Variants in LLGL1 observed in about 807,000 individuals in gnomAD.
The protein encoded by LLGL1 is lethal(2) giant larvae protein homolog 1.
Under a neutral mutation model 110.6 loss-of-function variants are expected in LLGL1, and 58 were observed. That is an observed-to-expected ratio of 0.52 (90% confidence interval 0.42 to 0.65). LLGL1 has a LOEUF of 0.65. Among genes scored for constraint, LLGL1 ranks in the 30% least tolerant of loss-of-function variants. The pLI is 0.00. For synonymous variants in LLGL1, 674 were observed against 607.2 expected (o/e 1.11, Z -1.62); for missense variants, 1,229 against 1,462.1 (o/e 0.84, Z 2.60).
chr17:18,238,647 G>A (rs777970981), intron 16 of LLGL1, 38 bp downstream of exon 16: 12 of 1,576,912 alleles, frequency 7.6e-6, no homozygotes, highest in African/African-American at 1.3e-5. Context: ...GGCAAGGGTT[G>A]GGGGGGCTGG....
intron 13 of LLGL1, chr17:18,237,251 C>G: frequency 1.7e-6 from 1 of 600,820 alleles, no homozygotes; most frequent in East Asian, 2.8e-5. Context: ...ACACTTTGCC[C>G]TCAGAGGGCA....
chr17:18,229,974 G>T lies in LLGL1; in HGVS notation c.115G>T (p.Ala39Ser). Residue 39 changes from alanine to serine, a missense_variant, in exon 2 of 23, where the codon GCC becomes TCC. Transcript: ENST00000316843. ...GCATGGCTTCCCCAATCAGCCCAGC[G>T]CCCTGGCCTTCGACCCGGAACTTCG... ...VEHGFPNQPSALAFDPELRIM... is the reference protein window; with the variant it reads ...VEHGFPNQPSSLAFDPELRIM... 6.2e-7 allele frequency: 1 copy of T among 1,611,962 alleles called. No individual in the cohort carries two copies.
At chr17:18,242,352 C>T (rs1408587699) in intron 20 of LLGL1, 74 bp downstream of exon 20, 18 of 1,549,710 alleles carry the variant, frequency 1.2e-5, no homozygotes, top group Non-Finnish European at 1.4e-5. Context: ...ACTCACATAG[C>T]TCAGGGATCG....
intron 2 of LLGL1, among the ~76,000 whole-genome samples, chr17:18,232,057 C>T (rs2047583385): frequency 6.6e-6 from 1 of 152,254 alleles, no homozygotes; most frequent in Non-Finnish European, 1.5e-5. Context: ...CAGGCCTGGC[C>T]TTGCACCTCT....
intron 22 of LLGL1, 144 bp downstream of exon 22, chr17:18,242,966 A>G (rs1335609257): frequency 2.7e-6 from 2 of 746,654 alleles, no homozygotes; most frequent in Admixed American, 6.1e-5. Context: ...GCTGCCTTCC[A>G]TGGAGTGCCT....
chr17:18,234,797 A>C, intron 8 of LLGL1, 42 bp from the exon 9 acceptor site: 1 of 1,613,726 alleles, frequency 6.2e-7, no homozygotes, highest in African/African-American at 1.3e-5. Flanking sequence ...TGTGCTCTGG[A>C]CCCAAGTGGT....
chr17:18,234,553 C>T, intron 7 of LLGL1, 96 bp from the exon 8 acceptor site: 2 of 1,579,564 alleles, frequency 1.3e-6, no homozygotes, highest in African/African-American at 1.3e-5. Flanking sequence ...AGGCAGGAGG[C>T]AGCTGTAAGG....
intron 2 of LLGL1, among the ~76,000 whole-genome samples, chr17:18,232,255 C>G (rs2047586749): frequency 6.6e-6 from 1 of 152,236 alleles, no homozygotes; most frequent in Non-Finnish European, 1.5e-5. Flanking sequence ...AGTGAAGGTC[C>G]TATAGCAGCA....
At chr17:18,243,253 G>A (rs763434268) in intron 22 of LLGL1, among the ~76,000 whole-genome samples, 5 of 152,050 alleles carry the variant, frequency 3.3e-5, no homozygotes, top group African/African-American at 9.7e-5. Flanking sequence ...GACTACAGGC[G>A]CCCGCCACCA....
At position 18,232,729 on chromosome 17, in the gene LLGL1, C is replaced by CATA. The variant is rs983765014; in HGVS notation, c.322_324dup (p.Asn108dup). The stretch of plus-strand genomic sequence containing the variant: ...TCTGCATCTCTGGGAGATTGTCCAC[C>CATA]ATAATGGCTGTGCCCACCTGGAAGA... On this transcript the variant is annotated inframe_insertion, in exon 4 of 23. Coordinates refer to ENST00000316843, the MANE Select transcript of LLGL1 (RefSeq NM_004140.4). 1 of 1,614,030 alleles carries CATA rather than the reference C, an allele frequency of 6.2e-7. No homozygotes were observed. The highest frequency in any genetic ancestry group is 1.3e-5 in the African/African-American group (1 of 74,958).
rs747614858 is a variant in LLGL1 at position 18,236,767 on chromosome 17, C to T, written c.1506+7C>T. ...CTGGCCACCCTTCCGCAAGGTGGGC[C>T]CCTCCCCTGGCCCTGATGAGCTGGT... On this transcript the variant is annotated splice_region_variant and intron_variant, in intron 12 of 22. Transcript: ENST00000316843. 3 of 1,612,688 alleles carry T rather than the reference C, an allele frequency of 1.9e-6. No homozygotes were observed. Among genetic ancestry groups the T allele is most frequent in the South Asian group, 1.1e-5 (1 of 91,044 alleles).
chr17:18,240,193 T>G lies in LLGL1; in HGVS notation c.2207-385T>G, dbSNP rs2047796329. Among the ~76,000 whole-genome samples, 1 of 151,854 alleles carries G rather than the reference T, an allele frequency of 6.6e-6. No individual in the cohort carries two copies. Among genetic ancestry groups the G allele is most frequent in the Admixed American group, 6.6e-5 (1 of 15,250 alleles). On this transcript the variant is annotated intron_variant, in intron 16 of 22. Transcript: ENST00000316843. This position sits in a 1 kb window ranked among gnomAD's most constrained non-coding sequence, Gnocchi z 5.3. The stretch of plus-strand genomic sequence containing the variant: ...GGTGGAGAGAGGAGTCGGGGTCTTG[T>G]GGGGCTTGGGGCCTGAGTGATGCTA...
At chr17:18,230,818 C>G (rs1013223748) in intron 2 of LLGL1, among the ~76,000 whole-genome samples, 17 of 152,078 alleles carry the variant, frequency 1.1e-4, no homozygotes, top group African/African-American at 4.1e-4. Context: ...GGATGGGGGT[C>G]TCCTCACCCC....
Position 18,232,713 on chromosome 17 carries a change from C to T in LLGL1, c.303C>T (p.Leu101=), listed in dbSNP as rs538941475. The T allele has an allele frequency of 6.2e-7, 1 of 1,614,068 alleles. No individual in the cohort carries two copies. Among genetic ancestry groups the T allele is most frequent in the African/African-American group, 1.3e-5 (1 of 74,938 alleles). Residue 101 remains leucine, a synonymous_variant, in exon 4 of 23, where the codon CTC becomes CTT. Transcript: ENST00000316843. ...LSLLDDSSLH[L]WEIVHHNGCA... is the part of the protein sequence containing the mutation. ...TGCTTGATGACAGCAGTCTGCATCT[C>T]TGGGAGATTGTCCACCATAATGGCT...
At chr17:18,226,971 G>C (rs2047457763) in intron 1 of LLGL1, among the ~76,000 whole-genome samples, 1 of 152,266 alleles carries the variant, frequency 6.6e-6, no homozygotes, top group Admixed American at 6.5e-5. Context: ...GTCAGAGTGA[G>C]CTGCACCAAT....
intron 11 of LLGL1, chr17:18,235,871 G>A (rs1380906674): frequency 2.8e-5 from 9 of 320,686 alleles, no homozygotes. Flanking sequence ...CCTGGCGGGC[G>A]CTGACGTGCC....
In LLGL1 at chr17:18,235,522, G is replaced by A. The variant is rs147811258; in HGVS notation, c.1337G>A (p.Gly446Glu). The change falls in exon 11 of 23, where the codon GGG becomes GAG. Residue 446 changes from glycine to glutamate, a missense_variant. By Grantham distance (98) the Gly-to-Glu change is moderately conservative (BLOSUM62 -2). Coordinates refer to ENST00000316843, the MANE Select transcript of LLGL1 (RefSeq NM_004140.4). ...CTGGCCCAGGAGCCGTCACAGCGAG[G>A]GCTGCTGCTGACGGGGTAGGTGTGC... is the stretch of plus-strand genomic sequence containing the variant. ...RNLAQEPSQRGLLLTGHEDGT... is the reference protein window; with the variant it reads ...RNLAQEPSQRELLLTGHEDGT... 117 of 1,613,776 alleles carry A rather than the reference G, an allele frequency of 7.3e-5. No individual in the cohort carries two copies. The highest frequency in any genetic ancestry group is 9.5e-5 in the Non-Finnish European group (112 of 1,179,950).
intron 13 of LLGL1, 133 bp downstream of exon 13, chr17:18,237,072 G>C (rs1287938283): frequency 3.9e-6 from 3 of 769,200 alleles, no homozygotes; most frequent in Non-Finnish European, 6.4e-6. Context: ...TCTGGGTGGG[G>C]CTGGCTGGGG....
chr17:18,239,887 T>G (rs2047787873), intron 16 of LLGL1, among the ~76,000 whole-genome samples: 1 of 152,064 alleles, frequency 6.6e-6, no homozygotes. Flanking sequence ...TGTTTTGAGT[T>G]GTGCAGACAC....
Sources: allele counts gnomAD v4.1 joint callset (sites outside exome capture counted in the v4.1 genomes callset), GRCh38; gene constraint gnomAD v4.1.1; non-coding constraint Gnocchi (gnomAD v3.1); transcripts MANE v1.5; gene names NCBI Gene and HGNC (gene_info 2026-07-23, HGNC 2026-07-21).